The following FAM124B variants were observed in gnomAD, a reference collection of about 807,000 sequenced individuals.
FAM124B encodes the protein protein FAM124B.
A neutral mutation model predicts 19.7 loss-of-function variants in FAM124B; 18 were observed. That is an observed-to-expected ratio of 0.92 (90% confidence interval 0.63 to 1.36). The LOEUF (loss-of-function observed/expected upper bound fraction) is 1.36, where lower values mean the gene tolerates loss of function less well. Among genes scored for constraint, FAM124B ranks in the 40% most tolerant of loss-of-function variants. FAM124B has a pLI of 0.00. For synonymous variants in FAM124B, 223 were observed against 225.2 expected, an observed-to-expected ratio of 0.99 and a Z score of 0.09; for missense variants, 540 against 553.3, an observed-to-expected ratio of 0.98 and a Z score of 0.24.
intron 1 of FAM124B, among the ~76,000 whole-genome samples, chr2:224,382,594 A>G (rs1689740338): frequency 6.6e-6 from 1 of 152,022 alleles, no homozygotes; most frequent in Non-Finnish European, 1.5e-5. Context: ...TTTTTAGTAG[A>G]GATGAGGTTT....
intron 1 of FAM124B, among the ~76,000 whole-genome samples, chr2:224,382,856 A>G (rs1323511613): frequency 6.6e-6 from 1 of 152,036 alleles, no homozygotes; most frequent in Non-Finnish European, 1.5e-5. Context: ...CCAGCTTGAA[A>G]ACCACTATTC....
In FAM124B at chr2:224,379,612, A is replaced by G; in HGVS notation, c.1329T>C (p.Gly443=). The change falls in exon 2 of 2, where the codon GGT becomes GGC. Residue 443 remains glycine (G), a synonymous_variant. Transcript: ENST00000409685. The stretch of plus-strand genomic sequence containing the variant: ...CTTCTTCATCTTCTTCTTTTTCTTC[A>G]CCCTGAACTTGCAGATGAAGGAGAC... ...SECLLHLQVQ[G]EEKEEDEEEF... is the part of the protein sequence containing the mutation. 1 of 1,547,898 alleles carries G rather than the reference A, an allele frequency of 6.5e-7. No homozygotes were observed. The highest frequency in any genetic ancestry group is 1.2e-5 in the South Asian group (1 of 83,582).
chr2:224,400,643 G>A (rs575773777), intron 1 of FAM124B: 4 of 545,920 alleles, frequency 7.3e-6, no homozygotes, highest in South Asian at 2.8e-5. Context: ...TATAGTTGAT[G>A]GGCATTTAAA....
intron 1 of FAM124B, among the ~76,000 whole-genome samples, chr2:224,383,811 C>T (rs1475202376): frequency 6.6e-6 from 1 of 152,166 alleles, no homozygotes; most frequent in African/African-American, 2.4e-5. Flanking sequence ...TGACACTGTA[C>T]CCTTGTATCA....
At chr2:224,397,867 G>A (rs980723248) in intron 1 of FAM124B, among the ~76,000 whole-genome samples, 1 of 152,192 alleles carries the variant, frequency 6.6e-6, no homozygotes, top group Non-Finnish European at 1.5e-5. Flanking sequence ...TAAGGCATGA[G>A]TGAACAGTGA....
chr2:224,389,154 A>G (rs375225237), intron 1 of FAM124B, among the ~76,000 whole-genome samples: 1 of 152,206 alleles, frequency 6.6e-6, no homozygotes, highest in South Asian at 2.1e-4. Flanking sequence ...CTGGTCTCAA[A>G]CTGCTGGCCT....
rs1162969846 is a variant in FAM124B at position 224,401,358 on chromosome 2, G to A, written c.411C>T (p.Ile137=). 3 of 1,614,040 alleles carry A rather than the reference G, an allele frequency of 1.9e-6. No individual in the cohort carries two copies. The highest frequency in any genetic ancestry group is 1.6e-4 in the Middle Eastern group (1 of 6,062). The stretch of plus-strand genomic sequence containing the variant: ...AACTGCAGTACAGCGTCACCCTCAG[G>A]ATCTCGGAGCCACAGTGCACCTGCC... ...GVRQVHCGSE[I]LRVTLYCSFD... is the part of the protein sequence containing the mutation. Residue 137 remains isoleucine (I), a synonymous_variant, in exon 1 of 2, where the codon ATC becomes ATT. Coordinates refer to ENST00000409685, the MANE Select transcript of FAM124B (RefSeq NM_001122779.2).
At chr2:224,395,108 A>G (rs978311633) in intron 1 of FAM124B, among the ~76,000 whole-genome samples, 2 of 152,138 alleles carry the variant, frequency 1.3e-5, no homozygotes, top group East Asian at 1.9e-4. Flanking sequence ...AAGATCACCA[A>G]TGCTAACTCA....
At chr2:224,382,516 T>G (rs888099307) in intron 1 of FAM124B, among the ~76,000 whole-genome samples, 43 of 151,508 alleles carry the variant, frequency 2.8e-4, no homozygotes, top group African/African-American at 1.0e-3. Flanking sequence ...TTCAAGTGAT[T>G]CTCCTGCCTC....
At chr2:224,397,211 A>G (rs990891628) in intron 1 of FAM124B, among the ~76,000 whole-genome samples, 1 of 152,124 alleles carries the variant, frequency 6.6e-6, no homozygotes, top group Non-Finnish European at 1.5e-5. Flanking sequence ...TGTTCTCGTG[A>G]TAGAGAATGA....
At chr2:224,381,084 G>A (rs529231280) in intron 1 of FAM124B, among the ~76,000 whole-genome samples, 1 of 152,236 alleles carries the variant, frequency 6.6e-6, no homozygotes, top group South Asian at 2.1e-4. Context: ...TTGGAAATTT[G>A]TATCCAGGAT....
chr2:224,384,244 A>G lies in FAM124B; in HGVS notation c.733-4036T>C, dbSNP rs555233303. On this transcript the variant is annotated intron_variant, in intron 1 of 1. Transcript: ENST00000409685. ...TATTTAAGCCAGGCATTCTGAGGCCATGGGCTCCGGCACTCAATTCCCCAT... is the reference window on the plus strand; with the variant it reads ...TATTTAAGCCAGGCATTCTGAGGCCGTGGGCTCCGGCACTCAATTCCCCAT... Among the ~76,000 whole-genome samples, 40 of 152,234 alleles carry G rather than the reference A, an allele frequency of 2.6e-4. 1 individual carries two copies. The highest frequency in any genetic ancestry group is 3.9e-4 in the Admixed American group (6 of 15,294).
chr2:224,382,092 A>C (rs964924609), intron 1 of FAM124B, among the ~76,000 whole-genome samples: 2 of 152,232 alleles, frequency 1.3e-5, no homozygotes, highest in Non-Finnish European at 2.9e-5. Flanking sequence ...ACACAAAAAA[A>C]CAAGGACTTC....
At chr2:224,388,634 G>A (rs1263162207) in intron 1 of FAM124B, among the ~76,000 whole-genome samples, 3 of 152,230 alleles carry the variant, frequency 2.0e-5, no homozygotes, top group African/African-American at 4.8e-5. Context: ...TTCTGGAAAT[G>A]TATAGTGGTG....
At position 224,379,913 on chromosome 2, in the gene FAM124B, G is replaced by A. The variant is rs1207014461; in HGVS notation, c.1028C>T (p.Ala343Val). The A allele has an allele frequency of 1.3e-6, 2 of 1,551,856 alleles. No individual in the cohort carries two copies. The highest frequency in any genetic ancestry group is 8.7e-7 in the Non-Finnish European group (1 of 1,147,034). Residue 343 changes from alanine to valine, a missense_variant, in exon 2 of 2, where the codon GCC becomes GTC. Transcript: ENST00000409685. ...TTCCCGGTTGAGGACCTTCATTCTGGCCCCGGATTCAAGGTGATGAGAAGA... is the reference window on the plus strand; with the variant it reads ...TTCCCGGTTGAGGACCTTCATTCTGACCCCGGATTCAAGGTGATGAGAAGA... ...HLSSHHLESGARMKVLNRENS... is the reference protein window; with the variant it reads ...HLSSHHLESGVRMKVLNRENS...
chr2:224,380,174 C>T lies in FAM124B; in HGVS notation c.767G>A (p.Gly256Asp), dbSNP rs1689693160. 2 of 1,549,756 alleles carry T rather than the reference C, an allele frequency of 1.3e-6. No homozygotes were observed. Among genetic ancestry groups the T allele is most frequent in the Non-Finnish European group, 1.7e-6 (2 of 1,145,686 alleles). ...GGGAAGCATGCCAGCTCCCAAGATGCCATTCTTAACACCAAGTTCTGGATT... is the reference window on the plus strand; with the variant it reads ...GGGAAGCATGCCAGCTCCCAAGATGTCATTCTTAACACCAAGTTCTGGATT... ...QLNPELGVKN[G>D]ILGAGMLPLG... is the part of the protein sequence containing the mutation. The change falls in exon 2 of 2, where the codon GGC becomes GAC. Residue 256 changes from glycine to aspartate, a missense_variant. By Grantham distance (94) the Gly-to-Asp change is moderately conservative. Coordinates refer to ENST00000409685, the MANE Select transcript of FAM124B (RefSeq NM_001122779.2).
intron 1 of FAM124B, among the ~76,000 whole-genome samples, chr2:224,384,265 C>T (rs888295384): frequency 6.6e-5 from 10 of 152,168 alleles, no homozygotes; most frequent in African/African-American, 2.2e-4. Context: ...CACTCAATTC[C>T]CCATCACATC....
At position 224,379,662 on chromosome 2, in the gene FAM124B, C is replaced by T; in HGVS notation, c.1279G>A (p.Gly427Ser). 6.4e-7 allele frequency: 1 copy of T among 1,551,502 alleles called. No individual in the cohort carries two copies. Among genetic ancestry groups the T allele is most frequent in the African/African-American group, 1.4e-5 (1 of 73,096 alleles). The change falls in exon 2 of 2, where the codon GGT becomes AGT. Residue 427 changes from glycine (G) to serine (S), a missense_variant. Coordinates refer to ENST00000409685, the MANE Select transcript of FAM124B (RefSeq NM_001122779.2). ...PLPLAGQRDL[G>S]TRKTISECLL... ...CATTCTGAAATTGTCTTCCTGGTAC[C>T]AAGGTCCCTTTGGCCAGCAAGTGGC...
intron 1 of FAM124B, among the ~76,000 whole-genome samples, chr2:224,398,389 C>G (rs562165453): frequency 6.6e-6 from 1 of 152,144 alleles, no homozygotes; most frequent in Non-Finnish European, 1.5e-5. Flanking sequence ...TGAGCCACCA[C>G]GCCCAAGAAT....
Sources: allele counts gnomAD v4.1 joint callset (sites outside exome capture counted in the v4.1 genomes callset), GRCh38; gene constraint gnomAD v4.1.1; transcripts MANE v1.5; gene names NCBI Gene and HGNC (gene_info 2026-07-23, HGNC 2026-07-21).